The following MS4A2 variants were observed in gnomAD, a reference collection of about 807,000 sequenced individuals.
The protein encoded by MS4A2 is membrane spanning 4-domains A2.
Under a neutral mutation model 27.9 loss-of-function variants are expected in MS4A2, and 26 were observed. The observed-to-expected ratio is 0.93, with a 90% CI of 0.68 to 1.29. MS4A2 has a LOEUF of 1.29. MS4A2 is among the 50% of genes most tolerant of loss of function. The pLI, the probability that MS4A2 is intolerant of heterozygous loss-of-function variation, is 0.00. For missense variants in MS4A2, 284 were observed against 284.6 expected, an observed-to-expected ratio of 1.00 and a Z score of 0.01; for synonymous variants, 110 against 98.8, an observed-to-expected ratio of 1.11 and a Z score of -0.67.
chr11:60,089,155 G>C (rs1461615524), intron 1 of MS4A2, among the ~76,000 whole-genome samples: 1 of 152,098 alleles, frequency 6.6e-6, no homozygotes, highest in African/African-American at 2.4e-5. Context: ...CTTCACACAT[G>C]CTTTTATAAA....
In MS4A2 at chr11:60,093,545, C is replaced by T. The variant is rs1415415761; in HGVS notation, c.524C>T (p.Ala175Val). 8 of 1,614,032 alleles carry T rather than the reference C, an allele frequency of 5.0e-6. No individual in the cohort carries two copies. The highest frequency in any genetic ancestry group is 5.9e-6 in the Non-Finnish European group (7 of 1,180,022). Reference sequence around the variant, plus strand: ...TTTTTTGAGACCAAGTGCTTTATGGCTTCCTTTTCCACTGTATGTATTTTT... The same window carrying T: ...TTTTTTGAGACCAAGTGCTTTATGGTTTCCTTTTCCACTGTATGTATTTTT... ...QKFFETKCFMASFSTEIVVMM... is the reference protein window; with the variant it reads ...QKFFETKCFMVSFSTEIVVMM... The change falls in exon 5 of 7, where the codon GCT becomes GTT. Residue 175 changes from alanine (A) to valine (V), a missense_variant. Ala to Val is a moderately conservative substitution (Grantham distance 64, BLOSUM62 0). Transcript: ENST00000278888.
Position 60,096,061 on chromosome 11 carries a change from TGGGCATGA to T in MS4A2, c.*406_*413del. On this transcript the variant is annotated 3_prime_UTR_variant, in exon 7 of 7. Coordinates refer to ENST00000278888, the MANE Select transcript of MS4A2 (RefSeq NM_000139.5). ...TTTTAGCATTCTTAATAGTTACAGT[TGGGCATGA>T]TTTGTACCATCCACCCATACCCACA... The T allele has an allele frequency of 3.9e-6, 1 of 254,038 alleles. No homozygotes were observed. The highest frequency in any genetic ancestry group is 7.6e-6 in the Non-Finnish European group (1 of 131,628). The allele number at this position is 254,038 out of a possible 1,614,324, so 15.7% of individuals were successfully genotyped here.
intron 2 of MS4A2, 46 bp from the exon 3 acceptor site, chr11:60,090,290 G>A (rs573642236): frequency 1.6e-5 from 25 of 1,597,110 alleles, no homozygotes; most frequent in East Asian, 6.7e-5. Context: ...ATACAATCTC[G>A]GGAAAATTTT....
Position 60,097,626 on chromosome 11 carries a change from A to C in MS4A2, c.*1970A>C, listed in dbSNP as rs1035491648. 2 of 152,240 alleles carry C rather than the reference A, an allele frequency of 1.3e-5. No homozygotes were observed. Among genetic ancestry groups the C allele is most frequent in the Non-Finnish European group, 2.9e-5 (2 of 68,046 alleles). The allele number at this position is 152,240 out of a possible 1,614,324, so 9.4% of individuals were successfully genotyped here. On this transcript the variant is annotated 3_prime_UTR_variant, in exon 7 of 7. Transcript: ENST00000278888. ...AGTTTATGTTTTTAGCCTAAGTATA[A>C]GAGTCCTACAGATGGACTGAAAAAA...
intron 5 of MS4A2, 180 bp from the exon 6 acceptor site, chr11:60,093,784 G>GT: frequency 3.8e-6 from 3 of 788,538 alleles, no homozygotes; most frequent in Non-Finnish European, 6.3e-6. Flanking sequence ...CGATCTCTGG[G>GT]TTTTTCTGTG....
chr11:60,090,533 A>C (rs906998015), intron 3 of MS4A2, 63 bp downstream of exon 3: 3 of 1,500,428 alleles, frequency 2.0e-6, no homozygotes, highest in Admixed American at 3.4e-5. Flanking sequence ...TCTTTCTCAG[A>C]TCTAACCAGT....
intron 6 of MS4A2, among the ~76,000 whole-genome samples, chr11:60,094,691 G>A (rs1051275765): frequency 1.3e-5 from 2 of 152,304 alleles, no homozygotes; most frequent in Middle Eastern, 3.4e-3. Flanking sequence ...GCTCACGCCT[G>A]TAATCTCAGC....
At chr11:60,092,090 A>G (rs541894894) in intron 3 of MS4A2, among the ~76,000 whole-genome samples, 1 of 152,156 alleles carries the variant, frequency 6.6e-6, no homozygotes, top group African/African-American at 2.4e-5. Context: ...GCACATACAA[A>G]TAGACGATTG....
rs748516025 is a variant in MS4A2, at chr11:60,093,493, T to A, written c.472T>A (p.Tyr158Asn). Reference sequence around the variant, plus strand: ...CATCAACCTGAAGAAGAGCTTGGCCTATATCCACATCCACAGTTGCCAGAA... The same window carrying A: ...CATCAACCTGAAGAAGAGCTTGGCCAATATCCACATCCACAGTTGCCAGAA... ...LIINLKKSLAYIHIHSCQKFF... is the reference protein window; with the variant it reads ...LIINLKKSLANIHIHSCQKFF... Residue 158 changes from tyrosine (Y) to asparagine (N), a missense_variant, in exon 5 of 7, where the codon TAT becomes AAT. Coordinates refer to ENST00000278888, the MANE Select transcript of MS4A2 (RefSeq NM_000139.5). The A allele has an allele frequency of 6.2e-7, 1 of 1,614,232 alleles. No homozygotes were observed. The highest frequency in any genetic ancestry group is 8.5e-7 in the Non-Finnish European group (1 of 1,180,046).
intron 3 of MS4A2, among the ~76,000 whole-genome samples, chr11:60,092,511 G>C (rs949487022): frequency 6.6e-6 from 1 of 152,030 alleles, no homozygotes; most frequent in Non-Finnish European, 1.5e-5. Flanking sequence ...GGTCAGGCTG[G>C]TCTTGAACTC....
At chr11:60,091,745 G>A (rs1255164146) in intron 3 of MS4A2, among the ~76,000 whole-genome samples, 7 of 152,080 alleles carry the variant, frequency 4.6e-5, no homozygotes, top group African/African-American at 7.2e-5. Context: ...CATTGACTTT[G>A]TAGTCTGCTA....
rs1677513870 is a variant in MS4A2 at position 60,095,745 on chromosome 11, T to C, written c.*89T>C. 3 of 813,484 alleles carry C rather than the reference T, an allele frequency of 3.7e-6. No individual in the cohort carries two copies. The highest frequency in any genetic ancestry group is 6.5e-6 in the Non-Finnish European group (3 of 460,658). The allele number at this position is 813,484 out of a possible 1,614,324, so 50.4% of individuals were successfully genotyped here. The stretch of plus-strand genomic sequence containing the variant: ...GGGGCTACTGGAAAAATTTCTATTC[T>C]CTCCACAGCCTGCTGGTTTTACATT... On this transcript the variant is annotated 3_prime_UTR_variant, in exon 7 of 7. Coordinates refer to ENST00000278888, the MANE Select transcript of MS4A2 (RefSeq NM_000139.5).
intron 3 of MS4A2, 92 bp downstream of exon 3, chr11:60,090,562 A>C: frequency 8.4e-7 from 1 of 1,184,868 alleles, no homozygotes; most frequent in Non-Finnish European, 1.2e-6. Flanking sequence ...CCCAGTATTA[A>C]CATGATATTT....
At chr11:60,090,581 T>G in intron 3 of MS4A2, 111 bp downstream of exon 3, 11 of 948,346 alleles carry the variant, frequency 1.2e-5, no homozygotes, top group Non-Finnish European at 1.7e-5. Flanking sequence ...TTATAATTCT[T>G]AATTATAAAT....
chr11:60,089,826 G>A lies in MS4A2; in HGVS notation c.186+5G>A, dbSNP rs1364937949. The A allele has an allele frequency of 3.1e-6, 5 of 1,613,862 alleles. No individual in the cohort carries two copies. Among genetic ancestry groups the A allele is most frequent in the South Asian group, 2.2e-5 (2 of 91,074 alleles). ...AAAGAGCAGGAGTTCCTGGGGGTGA[G>A]TGAGCCTCCTCCAACTTTGACTAGA... On this transcript the variant is annotated splice_donor_5th_base_variant and intron_variant, in intron 2 of 6. Transcript: ENST00000278888.
chr11:60,088,754 G>T lies in MS4A2; in HGVS notation c.-12G>T, dbSNP rs1458475217. The T allele has an allele frequency of 6.2e-7, 1 of 1,610,168 alleles. No homozygotes were observed. Among genetic ancestry groups the T allele is most frequent in the South Asian group, 1.1e-5 (1 of 90,446 alleles). Reference sequence around the variant, plus strand: ...ATATTCTTTATTCCTGGACAGCTCGGTTAATGAAAAAATGGACACAGAAAG... The same window carrying T: ...ATATTCTTTATTCCTGGACAGCTCGTTTAATGAAAAAATGGACACAGAAAG... On this transcript the variant is annotated 5_prime_UTR_variant, in exon 1 of 7. Coordinates refer to ENST00000278888, the MANE Select transcript of MS4A2 (RefSeq NM_000139.5).
chr11:60,093,639 A>G (rs772538112), intron 5 of MS4A2, 81 bp downstream of exon 5: 14 of 1,540,302 alleles, frequency 9.1e-6, no homozygotes, highest in Admixed American at 6.7e-5. Context: ...TGTTCCATGA[A>G]CACCATCCTT....
chr11:60,095,091 G>A (rs11230140), intron 6 of MS4A2, among the ~76,000 whole-genome samples: 2,549 of 151,984 alleles, frequency 0.017, 81 homozygotes, highest in East Asian at 0.15. Flanking sequence ...GTGAAACTCC[G>A]TCTGTACTAA....
rs60162275 is a variant in MS4A2, at chr11:60,093,802, T to TTGTGTGTG, written c.538-134_538-127dup. The TTGTGTGTG allele has an allele frequency of 8.9e-3, 5,683 of 639,312 alleles. 34 individuals carry two copies. Among genetic ancestry groups the TTGTGTGTG allele is most frequent in the African/African-American group, 0.043 (2,248 of 52,704 alleles). 39.6% of individuals were successfully genotyped at this position (639,312 alleles called of 1,614,324 possible). On this transcript the variant is annotated intron_variant, in intron 5 of 6. Transcript: ENST00000278888. ...TCTCTGGGTTTTTCTGTGCCTGTGTTTGTGTGTGTGTGTGTGTGTGTGTGT... is the reference window on the plus strand; with the variant it reads ...TCTCTGGGTTTTTCTGTGCCTGTGTTTGTGTGTGTGTGTGTGTGTGTGTGTGTGTGTGT...
Sources: gnomAD v4.1 joint callset for allele counts (sites outside exome capture counted in the v4.1 genomes callset) on GRCh38, gnomAD v4.1.1 for gene constraint, MANE v1.5 for transcripts, NCBI Gene and HGNC (gene_info 2026-07-23, HGNC 2026-07-21) for gene names.